Variants in DLGAP2 observed in about 807,000 individuals in gnomAD.
The protein encoded by DLGAP2 is disks large-associated protein 2.
A neutral mutation model predicts 100.3 loss-of-function variants in DLGAP2; 26 were observed. That is an observed-to-expected ratio of 0.26 (90% CI 0.19 to 0.36). DLGAP2 has a LOEUF of 0.36. Among genes scored for constraint, DLGAP2 ranks in the 10% least tolerant of loss-of-function variants. DLGAP2 has a pLI of 1.00. For synonymous variants in DLGAP2, 886 were observed against 630.1 expected (o/e 1.41, Z -6.08); for missense variants, 1,858 against 1,453.2 (o/e 1.28, Z -4.53).
chr8:1,411,801 C>G (rs1010805695), intron 3 of DLGAP2, among the ~76,000 whole-genome samples: 2 of 152,220 alleles, frequency 1.3e-5, no homozygotes, highest in Non-Finnish European at 2.9e-5. Flanking sequence ...CGCATGAAGT[C>G]TCTCTCACTA....
intron 5 of DLGAP2, among the ~76,000 whole-genome samples, chr8:1,558,737 CACAT>C (rs1340344442): frequency 1.3e-5 from 2 of 151,998 alleles, no homozygotes; most frequent in Non-Finnish European, 2.9e-5. Flanking sequence ...CACACATACA[CACAT>C]AGGCATGCAT....
At chr8:1,429,048 A>C (rs1797327714) in intron 3 of DLGAP2, among the ~76,000 whole-genome samples, 1 of 152,256 alleles carries the variant, frequency 6.6e-6, no homozygotes, top group Non-Finnish European at 1.5e-5. Context: ...ACCAGACTGC[A>C]AGCAGTGTAG....
At chr8:1,633,102 T>G in intron 8 of DLGAP2, 56 bp downstream of exon 8, 1 of 1,575,698 alleles carries the variant, frequency 6.3e-7, no homozygotes, top group African/African-American at 1.3e-5. Context: ...ATACCTGTCT[T>G]CATCCTAGAA....
At chr8:1,217,535 C>T (rs1405449061) in intron 2 of DLGAP2, among the ~76,000 whole-genome samples, 4 of 152,118 alleles carry the variant, frequency 2.6e-5, no homozygotes, top group African/African-American at 9.7e-5. Context: ...AATCTGTAAA[C>T]TGCTTGGACT....
chr8:1,161,030 A>G (rs1337832082), intron 2 of DLGAP2, among the ~76,000 whole-genome samples: 1 of 152,220 alleles, frequency 6.6e-6, no homozygotes, highest in Non-Finnish European at 1.5e-5. Flanking sequence ...CTTATATCCA[A>G]CTTATTCCTG....
At chr8:1,203,227 C>T (rs1249520457) in intron 2 of DLGAP2, among the ~76,000 whole-genome samples, 2 of 152,172 alleles carry the variant, frequency 1.3e-5, no homozygotes, top group African/African-American at 2.4e-5. Context: ...CTGCAGCACC[C>T]ACCCCTCAGT....
intron 2 of DLGAP2, among the ~76,000 whole-genome samples, chr8:1,236,985 C>G (rs1326380075): frequency 3.3e-5 from 5 of 149,860 alleles, no homozygotes; most frequent in Non-Finnish European, 7.4e-5. Context: ...GTGTCTAGTT[C>G]TCTCTCACAC....
In DLGAP2 at chr8:1,609,053, C is replaced by A. The variant is rs1429567635; in HGVS notation, c.1443-17687C>A. ...AAATACAGAGAACGCCACAAAGATACTCCTCGAGAAGAGCAACTCCAAGAC... is the reference window on the plus strand; with the variant it reads ...AAATACAGAGAACGCCACAAAGATAATCCTCGAGAAGAGCAACTCCAAGAC... On this transcript the variant is annotated intron_variant, in intron 6 of 14. Transcript: ENST00000637795. Among the ~76,000 whole-genome samples, 4 of 143,156 alleles carry A rather than the reference C, an allele frequency of 2.8e-5. No individual in the cohort carries two copies. The East Asian group carries it at 9.5e-4, about 34-fold the overall frequency. 93.9% of individuals were successfully genotyped at this position (143,156 alleles called of 152,430 possible). A position where few individuals can be genotyped will look rare whatever the true frequency, so the allele number is the denominator to read the frequency against.
chr8:973,265 C>G (rs1199240957), intron 2 of DLGAP2, among the ~76,000 whole-genome samples: 1 of 147,824 alleles, frequency 6.8e-6, no homozygotes, highest in African/African-American at 2.5e-5. Flanking sequence ...CCCCACCTCC[C>G]TCCCGGACGG....
intron 1 of DLGAP2, among the ~76,000 whole-genome samples, chr8:886,261 C>G (rs972055662): frequency 2.6e-5 from 4 of 151,378 alleles, no homozygotes; most frequent in Non-Finnish European, 5.9e-5. Context: ...TTTGATTCTT[C>G]TCTCTCTTTT....
intron 3 of DLGAP2, among the ~76,000 whole-genome samples, chr8:1,425,211 T>C (rs1797205143): frequency 6.6e-6 from 1 of 152,218 alleles, no homozygotes; most frequent in Admixed American, 6.5e-5. Flanking sequence ...CATTATGAAT[T>C]CAATCTTTTA....
At chr8:1,100,594 G>C (rs1321249156) in intron 2 of DLGAP2, among the ~76,000 whole-genome samples, 1 of 152,144 alleles carries the variant, frequency 6.6e-6, no homozygotes, top group Non-Finnish European at 1.5e-5. Flanking sequence ...TGATACAGGG[G>C]AATTACTCTA....
intron 3 of DLGAP2, among the ~76,000 whole-genome samples, chr8:1,273,916 G>A (rs2116934378): frequency 6.6e-6 from 1 of 152,296 alleles, no homozygotes; most frequent in South Asian, 2.1e-4. Context: ...AATCTGCTCT[G>A]ACTCTGGACA....
chr8:1,162,265 G>A (rs1189613178), intron 2 of DLGAP2, among the ~76,000 whole-genome samples: 2 of 152,192 alleles, frequency 1.3e-5, no homozygotes, highest in East Asian at 1.9e-4. Context: ...ATATTTGCCA[G>A]TGTTTACCCT....
At position 1,609,714 on chromosome 8, in the gene DLGAP2, C is replaced by CA. The variant is rs540240844; in HGVS notation, c.1443-17019dup. 1.9e-4 allele frequency among the ~76,000 whole-genome samples: 18 copies of CA among 94,552 alleles called. 1 individual carries two copies. In the South Asian group the frequency reaches 8.2e-3, roughly 43 times the overall value. The allele number at this position is 94,552 out of a possible 152,430, so 62.0% of individuals were successfully genotyped here. A position where few individuals can be genotyped will look rare whatever the true frequency, so the allele number is the denominator to read the frequency against. On this transcript the variant is annotated intron_variant, in intron 6 of 14. Coordinates refer to ENST00000637795, the MANE Select transcript of DLGAP2 (RefSeq NM_001346810.2). ...GAAGATCTACCAAGCAAATGGAAAA[C>CA]AAAAAAAGGCAGGGGTTGCAATCCT...
chr8:794,680 G>T (rs1266550665), intron 1 of DLGAP2, among the ~76,000 whole-genome samples: 1 of 152,210 alleles, frequency 6.6e-6, no homozygotes, highest in Non-Finnish European at 1.5e-5. Context: ...TGGGCATTAG[G>T]GCCATTATGA....
chr8:1,031,476 A>G (rs930710248), intron 2 of DLGAP2, among the ~76,000 whole-genome samples: 2 of 152,064 alleles, frequency 1.3e-5, no homozygotes, highest in African/African-American at 2.4e-5. Context: ...CAGTGGTACA[A>G]TCACAGCTCA....
At chr8:1,670,122 C>T (rs1011731570) in intron 10 of DLGAP2, among the ~76,000 whole-genome samples, 2 of 152,158 alleles carry the variant, frequency 1.3e-5, no homozygotes, top group Non-Finnish European at 2.9e-5. Flanking sequence ...CCAGACACTC[C>T]CACCCTCTCT....
Position 1,451,259 on chromosome 8 carries a change from A to G in DLGAP2, c.107-50107A>G, listed in dbSNP as rs79384180. Among the ~76,000 whole-genome samples, 407 of 152,212 alleles carry G rather than the reference A, an allele frequency of 2.7e-3. 14 individuals are homozygous for G. In the East Asian group the frequency reaches 0.062, roughly 23 times the overall value. On this transcript the variant is annotated intron_variant, in intron 3 of 14. Coordinates refer to ENST00000637795, the MANE Select transcript of DLGAP2 (RefSeq NM_001346810.2). Reference sequence around the variant, plus strand: ...CCTGTTGCAGCGTAACTAACATCCTACATAACTACACCACTAAAACTCAGC... The same window carrying G: ...CCTGTTGCAGCGTAACTAACATCCTGCATAACTACACCACTAAAACTCAGC...
Sources: gnomAD v4.1 joint callset for allele counts (sites outside exome capture counted in the v4.1 genomes callset) on GRCh38, gnomAD v4.1.1 for gene constraint, MANE v1.5 for transcripts, NCBI Gene and HGNC (gene_info 2026-07-23, HGNC 2026-07-21) for gene names.